The following SLC24A2 variants were observed in gnomAD, a reference collection of about 807,000 sequenced individuals.
The protein encoded by SLC24A2 is solute carrier family 24 member 2.
SLC24A2 carries 36 observed loss-of-function variants against 62.0 expected under a neutral mutation model. The ratio of observed to expected loss-of-function variants is 0.58; its 90% CI spans 0.44 to 0.77. SLC24A2 has a LOEUF of 0.77. Ranked by LOEUF, SLC24A2 falls within the 30% of genes least tolerant of loss-of-function variation. The pLI is 0.00. For synonymous variants in SLC24A2, 358 were observed against 294.0 expected, an observed-to-expected ratio of 1.22 and a Z score of -2.23; for missense variants, 846 against 817.9, an observed-to-expected ratio of 1.03 and a Z score of -0.42.
At chr9:20,266,056 G>A in the SLC24A2 span, among the ~76,000 whole-genome samples, 1 of 152,176 alleles carries the variant, frequency 6.6e-6, no homozygotes. Context: ...CAATGACAAT[G>A]CGTGCCCGAA....
At chr9:19,956,745 T>C in the SLC24A2 span, among the ~76,000 whole-genome samples, 1 of 152,158 alleles carries the variant, frequency 6.6e-6, no homozygotes, top group Non-Finnish European at 1.5e-5. Context: ...ATTCCTCCCA[T>C]GACACATGGA....
chr9:19,942,593 T>A, the SLC24A2 span, among the ~76,000 whole-genome samples: 2 of 152,208 alleles, frequency 1.3e-5, no homozygotes, highest in African/African-American at 4.8e-5. Flanking sequence ...AAACAGCGCA[T>A]CGCATTCTTA....
chr9:19,656,227 T>C (rs1468367500), intron 2 of SLC24A2, among the ~76,000 whole-genome samples: 2 of 152,208 alleles, frequency 1.3e-5, no homozygotes, highest in African/African-American at 4.8e-5. Context: ...AAAAAGTCTT[T>C]GTGGTTGTCA....
chr9:19,716,553 G>A lies in SLC24A2; in HGVS notation c.930+69384C>T, dbSNP rs1011366391. ...TCTGATTTATCCTCACATCAAATAT[G>A]ACTCTCCTGAACAACACGGTGGTGT... On this transcript the variant is annotated intron_variant, in intron 2 of 10. Coordinates refer to ENST00000341998, the MANE Select transcript of SLC24A2 (RefSeq NM_020344.4). Among the ~76,000 whole-genome samples the A allele has an allele frequency of 3.3e-5, 5 of 152,284 alleles. No homozygotes were observed. The South Asian group carries it at 6.2e-4, about 19-fold the overall frequency.
chr9:19,535,212 T>C (rs1260138848), intron 8 of SLC24A2, among the ~76,000 whole-genome samples: 1 of 152,166 alleles, frequency 6.6e-6, no homozygotes, highest in Non-Finnish European at 1.5e-5. Flanking sequence ...GGGTTGTTTT[T>C]TTCTTGTAAA....
chr9:19,508,911 G>A lies in SLC24A2; in HGVS notation c.*7242C>T, dbSNP rs1832606915. On this transcript the variant is annotated 3_prime_UTR_variant, in exon 11 of 11. Coordinates refer to ENST00000341998, the MANE Select transcript of SLC24A2 (RefSeq NM_020344.4). ...TGTACCATACTAGGTTAGAAATTGT[G>A]TATTTTAGCGGAGAGGAGGAAAATA... The A allele has an allele frequency of 1.3e-5, 2 of 152,174 alleles. No individual in the cohort carries two copies. The highest frequency in any genetic ancestry group is 2.9e-5 in the Non-Finnish European group (2 of 68,024). The allele number at this position is 152,174 out of a possible 1,614,324, so 9.4% of individuals were successfully genotyped here. A position where few individuals can be genotyped will look rare whatever the true frequency, so the allele number is the denominator to read the frequency against.
At chr9:19,745,388 A>G (rs1188433435) in intron 2 of SLC24A2, among the ~76,000 whole-genome samples, 1 of 152,182 alleles carries the variant, frequency 6.6e-6, no homozygotes, top group African/African-American at 2.4e-5. Flanking sequence ...GTGTATGTAC[A>G]TATCTCCATA....
intron 2 of SLC24A2, among the ~76,000 whole-genome samples, chr9:19,670,987 A>G (rs1390808946): frequency 8.1e-6 from 1 of 122,994 alleles, no homozygotes; most frequent in East Asian, 3.6e-4. Flanking sequence ...ACTATTTACA[A>G]GGAGGTTTGA....
chr9:19,531,692 A>ACCC (rs141054914), intron 8 of SLC24A2, among the ~76,000 whole-genome samples: 56 of 121,282 alleles, frequency 4.6e-4, no homozygotes, highest in African/African-American at 1.6e-3. Context: ...TTTAACAAAG[A>ACCC]CCCCCCCCCA....
At chr9:19,749,277 G>C (rs1246080847) in intron 2 of SLC24A2, among the ~76,000 whole-genome samples, 1 of 152,000 alleles carries the variant, frequency 6.6e-6, no homozygotes, top group Non-Finnish European at 1.5e-5. Flanking sequence ...ATTTTGGCTT[G>C]TCTTCCTGTT....
chr9:19,673,807 T>A (rs1365808311), intron 2 of SLC24A2, among the ~76,000 whole-genome samples: 1 of 152,188 alleles, frequency 6.6e-6, no homozygotes, highest in African/African-American at 2.4e-5. Flanking sequence ...GGTTGGGGAA[T>A]TCTTATCCAT....
chr9:19,679,578 G>A (rs1013256005), intron 2 of SLC24A2, among the ~76,000 whole-genome samples: 8 of 152,072 alleles, frequency 5.3e-5, no homozygotes, highest in Non-Finnish European at 4.4e-5. Context: ...CACCAATGTC[G>A]GGGGGCATTG....
chr9:19,521,928 T>G (rs770061248), intron 9 of SLC24A2, among the ~76,000 whole-genome samples: 18 of 152,032 alleles, frequency 1.2e-4, no homozygotes, highest in Non-Finnish European at 2.5e-4. Flanking sequence ...AGTTCTATTT[T>G]GGAAGGTTGG....
intron 7 of SLC24A2, among the ~76,000 whole-genome samples, chr9:19,554,415 G>C (rs192060957): frequency 1.0e-3 from 155 of 152,272 alleles, no homozygotes; most frequent in Non-Finnish European, 2.0e-3. Context: ...ATATATATTT[G>C]TTATATGCAA....
chr9:20,050,135 G>A, the SLC24A2 span, among the ~76,000 whole-genome samples: 1 of 150,548 alleles, frequency 6.6e-6, no homozygotes, highest in Admixed American at 6.7e-5. Context: ...GAGATAACTT[G>A]GTTTCAACAT....
the SLC24A2 span, among the ~76,000 whole-genome samples, chr9:20,113,630 T>C: frequency 3.3e-5 from 5 of 152,310 alleles, no homozygotes; most frequent in East Asian, 9.6e-4. Flanking sequence ...ATTAACATTT[T>C]GGTATATTTG....
the SLC24A2 span, among the ~76,000 whole-genome samples, chr9:20,073,023 A>G: frequency 1.3e-5 from 2 of 152,188 alleles, no homozygotes; most frequent in African/African-American, 4.8e-5. Context: ...TTAAGATACT[A>G]TTTAATTTTA....
intron 2 of SLC24A2, among the ~76,000 whole-genome samples, chr9:19,691,972 C>A (rs192181503): frequency 1.0e-3 from 153 of 152,136 alleles, no homozygotes; most frequent in Non-Finnish European, 1.6e-3. Flanking sequence ...CAAGCAAACA[C>A]TGGAATTATA....
At chr9:20,091,190 G>A in the SLC24A2 span, among the ~76,000 whole-genome samples, 49 of 151,038 alleles carry the variant, frequency 3.2e-4, 1 homozygote, top group Non-Finnish European at 4.9e-4. Flanking sequence ...CAAAACCTCC[G>A]AGAAATATGG....
Sources: allele counts gnomAD v4.1 joint callset (sites outside exome capture counted in the v4.1 genomes callset), GRCh38; gene constraint gnomAD v4.1.1; transcripts MANE v1.5; gene names NCBI Gene and HGNC (gene_info 2026-07-23, HGNC 2026-07-21).